The following SEMA3A variants were observed in gnomAD, a reference collection of about 807,000 sequenced individuals.
SEMA3A encodes semaphorin-3A.
In SEMA3A, 29 loss-of-function variants were observed where a neutral mutation model predicts 97.9. The ratio of observed to expected loss-of-function variants is 0.30; its 90% confidence interval spans 0.22 to 0.40. The LOEUF (loss-of-function observed/expected upper bound fraction) is 0.40. SEMA3A is among the 10% of genes least tolerant of loss of function. The probability of loss-of-function intolerance (pLI) is 1.00; values close to 1 mark genes in which losing one functional copy is unlikely to be tolerated. For missense variants in SEMA3A, 763 were observed against 951.3 expected, an observed-to-expected ratio of 0.80 and a Z score of 2.60; for synonymous variants, 321 against 323.7, an observed-to-expected ratio of 0.99 and a Z score of 0.09.
At chr7:84,158,545 G>C (rs1228284726) in intron 1 of SEMA3A, among the ~76,000 whole-genome samples, 1 of 152,100 alleles carries the variant, frequency 6.6e-6, no homozygotes, top group African/African-American at 2.4e-5. Flanking sequence ...TTGCTTCAGA[G>C]CATTTATCAT....
intron 3 of SEMA3A, among the ~76,000 whole-genome samples, chr7:84,257,516 G>C (rs1285578744): frequency 6.6e-6 from 1 of 152,096 alleles, no homozygotes; most frequent in Non-Finnish European, 1.5e-5. Flanking sequence ...AAAGTATTAA[G>C]ATGCATAAAC....
intron 11 of SEMA3A, among the ~76,000 whole-genome samples, chr7:84,002,659 T>C (rs1400281096): frequency 6.6e-6 from 1 of 152,178 alleles, no homozygotes; most frequent in East Asian, 1.9e-4. Context: ...TGAATGACAA[T>C]AACCCGATTT....
At chr7:84,078,819 C>G (rs1794044887) in intron 4 of SEMA3A, among the ~76,000 whole-genome samples, 1 of 151,660 alleles carries the variant, frequency 6.6e-6, no homozygotes, top group Non-Finnish European at 1.5e-5. Context: ...AAAGAAAACC[C>G]TGACTGTTTC....
intron 6 of SEMA3A, among the ~76,000 whole-genome samples, chr7:84,040,809 A>G (rs766309430): frequency 7.9e-5 from 12 of 152,084 alleles, no homozygotes; most frequent in Non-Finnish European, 1.6e-4. Context: ...AAGAGAGAAA[A>G]AAATGTAAAA....
chr7:84,264,076 C>T (rs1799929004), intron 3 of SEMA3A, among the ~76,000 whole-genome samples: 1 of 152,036 alleles, frequency 6.6e-6, no homozygotes, highest in South Asian at 2.1e-4. Context: ...ATTAACCCTC[C>T]ACTACTGTTT....
At chr7:84,363,634 T>C (rs1802776797) in intron 2 of SEMA3A, among the ~76,000 whole-genome samples, 1 of 151,924 alleles carries the variant, frequency 6.6e-6, no homozygotes, top group African/African-American at 2.4e-5. Context: ...ATGGCTTCAG[T>C]ACAATAAACT....
intron 6 of SEMA3A, among the ~76,000 whole-genome samples, chr7:84,037,556 C>G (rs1454406943): frequency 6.6e-6 from 1 of 152,066 alleles, no homozygotes; most frequent in East Asian, 1.9e-4. Context: ...AATCTGTAAA[C>G]ACGTTGAAAA....
intron 1 of SEMA3A, among the ~76,000 whole-genome samples, chr7:84,136,863 A>C (rs959833032): frequency 4.0e-5 from 6 of 151,814 alleles, no homozygotes; most frequent in African/African-American, 1.5e-4. Context: ...ATAGTACAAT[A>C]CTAGGCTGGC....
intron 12 of SEMA3A, among the ~76,000 whole-genome samples, chr7:83,990,163 T>C (rs1175399430): frequency 1.3e-5 from 2 of 151,586 alleles, no homozygotes; most frequent in Middle Eastern, 3.2e-3. Flanking sequence ...TTTGATGGGG[T>C]TGTTTGTTTT....
At chr7:84,158,623 T>C (rs1796929291) in intron 1 of SEMA3A, among the ~76,000 whole-genome samples, 1 of 152,214 alleles carries the variant, frequency 6.6e-6, no homozygotes, top group African/African-American at 2.4e-5. Context: ...AACTAGATGA[T>C]AAGTGTCATT....
intron 1 of SEMA3A, among the ~76,000 whole-genome samples, chr7:84,430,789 T>TGTGTGTGTGTGTG (rs1562945573): frequency 3.5e-5 from 5 of 143,332 alleles, no homozygotes; most frequent in African/African-American, 1.0e-4. Flanking sequence ...AACATAAAAT[T>TGTGTGTGTGTGTG]TGTGTGTGTG....
chr7:84,453,861 T>C (rs1179775094), intron 1 of SEMA3A, among the ~76,000 whole-genome samples: 1 of 152,202 alleles, frequency 6.6e-6, no homozygotes, highest in Non-Finnish European at 1.5e-5. Flanking sequence ...GATTAGATGA[T>C]TTAATTCTAG....
At chr7:84,006,859 A>G (rs568483081) in intron 10 of SEMA3A, among the ~76,000 whole-genome samples, 3 of 152,256 alleles carry the variant, frequency 2.0e-5, no homozygotes, top group African/African-American at 7.2e-5. Context: ...ACACACATAT[A>G]TATGTCTATG....
At chr7:83,997,395 T>A (rs1382744066) in intron 12 of SEMA3A, among the ~76,000 whole-genome samples, 1 of 152,184 alleles carries the variant, frequency 6.6e-6, no homozygotes, top group Non-Finnish European at 1.5e-5. Context: ...TGTTGTGGGT[T>A]TTTTTCCTTC....
chr7:84,147,893 T>C (rs190556110), intron 1 of SEMA3A, among the ~76,000 whole-genome samples: 2 of 152,014 alleles, frequency 1.3e-5, no homozygotes, highest in South Asian at 2.1e-4. Flanking sequence ...TTACTCTCAC[T>C]CTCTCTCTTT....
In SEMA3A at chr7:83,957,391, C is replaced by T. The variant is rs763289403; in HGVS notation, c.*3980G>A. 1.3e-5 allele frequency: 2 copies of T among 152,098 alleles called. No homozygotes were observed. The highest frequency in any genetic ancestry group is 3.2e-3 in the Middle Eastern group (1 of 316). The allele number at this position is 152,098 out of a possible 1,614,324, so 9.4% of individuals were successfully genotyped here. On this transcript the variant is annotated 3_prime_UTR_variant, in exon 17 of 17. Coordinates refer to ENST00000265362, the MANE Select transcript of SEMA3A (RefSeq NM_006080.3). ...AGTCAAGATCTATCAGTGGAATTTA[C>T]TTGAACGTGTAGGAAGCTGGTTCTA...
intron 2 of SEMA3A, among the ~76,000 whole-genome samples, chr7:84,320,655 T>TTAAG (rs3048013): frequency 0.72 from 108,332 of 151,046 alleles, 39,026 homozygotes; most frequent in East Asian, 0.78. Flanking sequence ...GAGAAATAAA[T>TTAAG]TATTTTTTTT....
At chr7:84,402,785 G>A (rs1803942816) in intron 1 of SEMA3A, among the ~76,000 whole-genome samples, 1 of 152,102 alleles carries the variant, frequency 6.6e-6, no homozygotes, top group South Asian at 2.1e-4. Flanking sequence ...AAAGTAGAGG[G>A]CATTATGTTA....
chr7:84,335,476 T>C (rs1802014024), intron 2 of SEMA3A, among the ~76,000 whole-genome samples: 1 of 152,080 alleles, frequency 6.6e-6, no homozygotes, highest in Non-Finnish European at 1.5e-5. Context: ...AGAGAGAAAG[T>C]GGGAGCAAGA....
Sources: allele counts gnomAD v4.1 joint callset (sites outside exome capture counted in the v4.1 genomes callset), GRCh38; gene constraint gnomAD v4.1.1; transcripts MANE v1.5; gene names NCBI Gene and HGNC (gene_info 2026-07-23, HGNC 2026-07-21).